FBXO9: variants seen among roughly 807,000 people sequenced by gnomAD.
FBXO9 encodes the protein F-box only protein 9.
FBXO9 carries 43 observed loss-of-function variants against 63.7 expected under a neutral mutation model. The ratio of observed to expected loss-of-function variants is 0.67; its 90% CI spans 0.53 to 0.87. FBXO9 has a LOEUF of 0.87. Among genes scored for constraint, FBXO9 ranks in the 40% least tolerant of loss-of-function variants. The pLI, the probability that FBXO9 is intolerant of heterozygous loss-of-function variation, is 0.00. For synonymous variants in FBXO9, 156 were observed against 171.7 expected (o/e 0.91, Z 0.72); for missense variants, 442 against 533.2 (o/e 0.83, Z 1.68).
In FBXO9 at chr6:53,099,178, G is replaced by C. The variant is rs998154594; in HGVS notation, c.*1348G>C. On this transcript the variant is annotated 3_prime_UTR_variant, in exon 13 of 13. Transcript: ENST00000323557. ...AAGACAGGCAGATCACCTGAGCTCA[G>C]GAGTCCAAGACCAGCCTGGGCAACA... The C allele has an allele frequency of 1.3e-5, 2 of 150,552 alleles. No individual in the cohort carries two copies. The highest frequency in any genetic ancestry group is 2.9e-5 in the Non-Finnish European group (2 of 68,032). 9.3% of individuals were successfully genotyped at this position (150,552 alleles called of 1,614,324 possible).
chr6:53,093,987 A>G lies in FBXO9; in HGVS notation c.1053+9A>G. 1 of 1,515,140 alleles carries G rather than the reference A, an allele frequency of 6.6e-7. No homozygotes were observed. The highest frequency in any genetic ancestry group is 2.5e-5 in the East Asian group (1 of 40,610). 93.9% of individuals were successfully genotyped at this position (1,515,140 alleles called of 1,614,324 possible). ...CTAAGAAAAAAGAAGAAGTGAGTAT[A>G]CGAGGTGTAATTAATAGTTTTCTTA... On this transcript the variant is annotated intron_variant, in intron 11 of 12. Coordinates refer to ENST00000323557, the MANE Select transcript of FBXO9 (RefSeq NM_033480.3).
chr6:53,082,711 G>C, intron 7 of FBXO9, 93 bp downstream of exon 7: 1 of 845,168 alleles, frequency 1.2e-6, no homozygotes, highest in South Asian at 1.7e-5. Flanking sequence ...TACTTGATTG[G>C]TGTTCTGAGT....
In FBXO9 at chr6:53,078,841, T is replaced by C. The variant is rs770626857; in HGVS notation, c.350T>C (p.Ile117Thr). 12 of 1,613,816 alleles carry C rather than the reference T, an allele frequency of 7.4e-6. No homozygotes were observed. Among genetic ancestry groups the C allele is most frequent in the African/African-American group, 2.7e-5 (2 of 74,928 alleles). The part of the protein sequence containing the change: ...YRRAMQLVPD[I>T]EFKITYTRSP... The stretch of plus-strand genomic sequence containing the variant: ...AGGGCTATGCAACTTGTACCTGATA[T>C]AGAGTTCAAGATTACTTATACCCGG... The change falls in exon 5 of 13, where the codon ATA (isoleucine) becomes ACA (threonine). Residue 117 changes from isoleucine (I) to threonine (T), a missense_variant. Around this residue, in one of 2 missense-constraint regions of FBXO9, gnomAD observed 180 missense variants for 171.1 expected, o/e 1.05. Coordinates refer to ENST00000323557, the MANE Select transcript of FBXO9 (RefSeq NM_033480.3).
intron 8 of FBXO9, 79 bp from the exon 9 acceptor site, chr6:53,092,655 T>G: frequency 7.0e-7 from 1 of 1,426,042 alleles, no homozygotes. Context: ...GTAAGCATGT[T>G]TAAAGGAAAC....
At chr6:53,074,384 C>T (rs927789658) in intron 3 of FBXO9, among the ~76,000 whole-genome samples, 5 of 152,136 alleles carry the variant, frequency 3.3e-5, no homozygotes, top group African/African-American at 1.2e-4. Flanking sequence ...TAGGGAAGTC[C>T]TGTGTGCCCT....
intron 1 of FBXO9, among the ~76,000 whole-genome samples, chr6:53,070,622 G>A (rs1454014006): frequency 6.6e-6 from 1 of 152,144 alleles, no homozygotes; most frequent in African/African-American, 2.4e-5. Flanking sequence ...GTAACCTAGA[G>A]ATGACTTAAA....
In FBXO9 at chr6:53,072,875, C is replaced by T. The variant is rs149278966; in HGVS notation, c.91-606C>T. Among the ~76,000 whole-genome samples, 363 of 152,088 alleles carry T rather than the reference C, an allele frequency of 2.4e-3. 1 individual carries two copies. The highest frequency in any genetic ancestry group is 6.1e-3 in the African/African-American group (251 of 41,484). On this transcript the variant is annotated intron_variant, in intron 2 of 12. Coordinates refer to ENST00000323557, the MANE Select transcript of FBXO9 (RefSeq NM_033480.3). ...AGCTGGGATTACAGGTGCCCGCCAC[C>T]ACACCTGGCTAATTTGTTTGTATTT...
intron 2 of FBXO9, among the ~76,000 whole-genome samples, chr6:53,073,050 G>C (rs751605008): frequency 1.3e-5 from 2 of 151,874 alleles, no homozygotes; most frequent in Non-Finnish European, 2.9e-5. Flanking sequence ...ACAAATATTT[G>C]AAAAAACATT....
chr6:53,095,660 T>C lies in FBXO9; in HGVS notation c.1201T>C (p.Tyr401His). Reference sequence around the variant, plus strand: ...GATACATCATTCTTGTCACATTACTTACAAGTAGGTGAATGCAATAAAAAT... The same window carrying C: ...GATACATCATTCTTGTCACATTACTCACAAGTAGGTGAATGCAATAAAAAT... ...IWIHHSCHIT[Y>H]KSTGETAVSA... is the part of the protein sequence containing the mutation. Residue 401 changes from tyrosine to histidine, a missense_variant, in exon 12 of 13, where the codon TAC becomes CAC. This residue lies in a region of FBXO9 where 262 missense variants were observed against 362.1 expected (regional missense o/e 0.72). Transcript: ENST00000323557. The C allele has an allele frequency of 6.2e-7, 1 of 1,606,638 alleles. No individual in the cohort carries two copies. The highest frequency in any genetic ancestry group is 1.1e-5 in the South Asian group (1 of 89,404).
chr6:53,076,747 T>G (rs1769124539), intron 4 of FBXO9, among the ~76,000 whole-genome samples: 1 of 152,042 alleles, frequency 6.6e-6, no homozygotes, highest in Non-Finnish European at 1.5e-5. Flanking sequence ...GGTGTAATAT[T>G]TACATATAAC....
At chr6:53,095,695 A>G (rs939891632) in intron 12 of FBXO9, 31 bp downstream of exon 12, 2 of 1,574,474 alleles carry the variant, frequency 1.3e-6, no homozygotes, top group Admixed American at 1.8e-5. Context: ...TAACAAGGTT[A>G]CACTATAAAT....
chr6:53,091,997 A>G (rs1352700864), intron 7 of FBXO9: 5 of 172,794 alleles, frequency 2.9e-5, no homozygotes, highest in Non-Finnish European at 4.9e-5. Flanking sequence ...TTTCCTCTGC[A>G]CAATGCCCAC....
intron 4 of FBXO9, 65 bp downstream of exon 4, chr6:53,076,608 ATT>A: frequency 1.7e-6 from 2 of 1,179,620 alleles, no homozygotes; most frequent in South Asian, 1.8e-5. Context: ...TATTAACCAT[ATT>A]TTTTTTTCTA....
chr6:53,083,751 T>C (rs1303888399), intron 7 of FBXO9, among the ~76,000 whole-genome samples: 1 of 152,230 alleles, frequency 6.6e-6, no homozygotes. Context: ...CTCAGCTCTC[T>C]TTGTCAGGGT....
At chr6:53,096,445 T>C (rs1031407766) in intron 12 of FBXO9, among the ~76,000 whole-genome samples, 2 of 152,236 alleles carry the variant, frequency 1.3e-5, no homozygotes, top group African/African-American at 4.8e-5. Flanking sequence ...AACCACATTG[T>C]TGAAAACTGT....
In FBXO9 at chr6:53,073,539, C is replaced by G. The variant is rs1581808674; in HGVS notation, c.149C>G (p.Ser50Cys). The G allele has an allele frequency of 6.2e-7, 1 of 1,613,640 alleles. No individual in the cohort carries two copies. The highest frequency in any genetic ancestry group is 8.5e-7 in the Non-Finnish European group (1 of 1,179,750). Reference protein sequence around the residue: ...WMFELAPGVSSSNLENRPCRA... With the variant: ...WMFELAPGVSCSNLENRPCRA... ...TTTGAACTTGCTCCAGGTGTAAGCT[C>G]TAGCAATTTAGAAAATCGACCTTGC... Residue 50 changes from serine to cysteine, a missense_variant, in exon 3 of 13, where the codon TCT becomes TGT. Transcript: ENST00000323557.
At chr6:53,085,853 G>A (rs1762864155) in intron 7 of FBXO9, among the ~76,000 whole-genome samples, 1 of 152,110 alleles carries the variant, frequency 6.6e-6, no homozygotes, top group South Asian at 2.1e-4. Flanking sequence ...AGCCCAACTA[G>A]AAAATCCCAA....
chr6:53,067,647 C>G (rs554575224), intron 1 of FBXO9, among the ~76,000 whole-genome samples: 44 of 152,236 alleles, frequency 2.9e-4, no homozygotes, highest in African/African-American at 1.0e-3. Flanking sequence ...CCACAGAACT[C>G]AGGTCCCCTC....
chr6:53,095,048 G>A (rs1763167769), intron 11 of FBXO9, among the ~76,000 whole-genome samples: 1 of 152,108 alleles, frequency 6.6e-6, no homozygotes, highest in South Asian at 2.1e-4. Flanking sequence ...TTATTTTACT[G>A]TTATTGCAAA....
Sources: allele counts gnomAD v4.1 joint callset (sites outside exome capture counted in the v4.1 genomes callset), GRCh38; gene constraint gnomAD v4.1.1; regional missense constraint gnomAD v4.1.1; transcripts MANE v1.5; gene names NCBI Gene and HGNC (gene_info 2026-07-23, HGNC 2026-07-21).